The following BTRC variants were observed in gnomAD, a reference collection of about 807,000 sequenced individuals.
BTRC encodes beta-transducin repeat containing E3 ubiquitin protein ligase.
In BTRC, 42 loss-of-function variants were observed where a neutral mutation model predicts 85.5. The ratio of observed to expected loss-of-function variants is 0.49; its 90% CI spans 0.38 to 0.64. The LOEUF (loss-of-function observed/expected upper bound fraction) is 0.64, where lower values mean the gene tolerates loss of function less well. Among genes scored for constraint, BTRC ranks in the 30% least tolerant of loss-of-function variants. The probability of loss-of-function intolerance (pLI) is 0.00; values close to 1 mark genes in which losing one functional copy is unlikely to be tolerated. For missense variants in BTRC, 594 were observed against 743.5 expected (o/e 0.80, Z 2.34); for synonymous variants, 255 against 263.3 (o/e 0.97, Z 0.30).
In BTRC at chr10:101,521,823, C is replaced by T. The variant is rs1294863613; in HGVS notation, c.509C>T (p.Ser170Leu). The T allele has an allele frequency of 1.2e-5, 20 of 1,613,806 alleles. No individual in the cohort carries two copies. Among genetic ancestry groups the T allele is most frequent in the Admixed American group, 1.7e-5 (1 of 59,982 alleles). Residue 170 changes from serine to leucine, a missense_variant, in exon 5 of 15, where the codon TCG becomes TTG. Physicochemically the swap from Ser to Leu is moderately radical, Grantham distance 145. Coordinates refer to ENST00000370187, the MANE Select transcript of BTRC (RefSeq NM_033637.4). The part of the protein sequence containing the change: ...MCHYQHGHIN[S>L]YLKPMLQRDF... ...CATTACCAACATGGGCACATAAACT[C>T]GTATCTTAAACCTATGTTGCAGAGA...
intron 1 of BTRC, 134 bp from the exon 2 acceptor site, chr10:101,430,211 G>A (rs1944366533): frequency 1.9e-6 from 1 of 532,554 alleles, no homozygotes; most frequent in Admixed American, 3.8e-5. Flanking sequence ...TAAGTAGTGT[G>A]TTTCTTAAAG....
intron 1 of BTRC, among the ~76,000 whole-genome samples, chr10:101,428,720 G>T (rs956677292): frequency 6.6e-6 from 1 of 152,128 alleles, no homozygotes; most frequent in Admixed American, 6.5e-5. Flanking sequence ...TATAAAATGA[G>T]GATAATGTAT....
chr10:101,539,984 G>A (rs1285838418), intron 13 of BTRC, among the ~76,000 whole-genome samples: 1 of 152,140 alleles, frequency 6.6e-6, no homozygotes, highest in Non-Finnish European at 1.5e-5. Flanking sequence ...TAATTGAGTG[G>A]TTATTGAGTT....
chr10:101,491,998 T>C (rs969705904), intron 4 of BTRC, among the ~76,000 whole-genome samples: 1 of 152,072 alleles, frequency 6.6e-6, no homozygotes, highest in Non-Finnish European at 1.5e-5. Context: ...GGATATTCTC[T>C]AATGGAAAGG....
chr10:101,424,565 G>A (rs1944198427), intron 1 of BTRC, among the ~76,000 whole-genome samples: 1 of 152,130 alleles, frequency 6.6e-6, no homozygotes, highest in South Asian at 2.1e-4. Flanking sequence ...TGACCAACAG[G>A]GACCTTAATT....
intron 1 of BTRC, among the ~76,000 whole-genome samples, chr10:101,406,741 C>T (rs1943636404): frequency 6.7e-6 from 1 of 149,806 alleles, no homozygotes; most frequent in Non-Finnish European, 1.5e-5. Flanking sequence ...GCCATGTTGG[C>T]CAGGCTGGTC....
At chr10:101,547,012 A>G (rs1380538018) in intron 13 of BTRC, among the ~76,000 whole-genome samples, 2 of 152,226 alleles carry the variant, frequency 1.3e-5, no homozygotes, top group South Asian at 2.1e-4. Flanking sequence ...TAACTCATCT[A>G]TGAAGCATTA....
At chr10:101,475,212 A>G (rs774540273) in intron 3 of BTRC, among the ~76,000 whole-genome samples, 2 of 152,338 alleles carry the variant, frequency 1.3e-5, no homozygotes, top group Middle Eastern at 3.4e-3. Flanking sequence ...TAAGAATAAA[A>G]CAAGTTGGTA....
Position 101,461,016 on chromosome 10 carries a change from C to G in BTRC, c.157-965C>G, listed in dbSNP as rs570263598. The stretch of plus-strand genomic sequence containing the variant: ...CTCCTGGGTTCAGGCGATTCTCCTG[C>G]CTCAGACTCTCGAGTAGCTGGGATT... On this transcript the variant is annotated intron_variant, in intron 2 of 14. Coordinates refer to ENST00000370187, the MANE Select transcript of BTRC (RefSeq NM_033637.4). Among the ~76,000 whole-genome samples the G allele has an allele frequency of 7.2e-5, 11 of 152,048 alleles. No individual in the cohort carries two copies. In the East Asian group the frequency reaches 2.1e-3, roughly 29 times the overall value.
chr10:101,495,942 C>T (rs1322596217), intron 4 of BTRC, among the ~76,000 whole-genome samples: 2 of 152,006 alleles, frequency 1.3e-5, no homozygotes, highest in Non-Finnish European at 2.9e-5. Context: ...AAACATTATC[C>T]TCACTTCTAA....
At chr10:101,537,449 A>G (rs936946500) in intron 12 of BTRC, among the ~76,000 whole-genome samples, 1 of 152,124 alleles carries the variant, frequency 6.6e-6, no homozygotes, top group African/African-American at 2.4e-5. Context: ...AATTGCTTGA[A>G]CCAGGGAGGC....
intron 3 of BTRC, among the ~76,000 whole-genome samples, chr10:101,474,816 G>T (rs1945633442): frequency 6.6e-6 from 1 of 152,100 alleles, no homozygotes; most frequent in African/African-American, 2.4e-5. Flanking sequence ...TCAAGATCAG[G>T]CCACTCCTTC....
chr10:101,420,824 A>G (rs1458518071), intron 1 of BTRC, among the ~76,000 whole-genome samples: 1 of 152,010 alleles, frequency 6.6e-6, no homozygotes. Flanking sequence ...TCAGGTAGGA[A>G]AGGAGAAGAG....
chr10:101,436,263 A>C (rs1302321772), intron 2 of BTRC, among the ~76,000 whole-genome samples: 1 of 152,348 alleles, frequency 6.6e-6, no homozygotes, highest in Non-Finnish European at 1.5e-5. Context: ...CAATAGAGTT[A>C]AAGTAATTAA....
chr10:101,373,585 A>T (rs1429095159), intron 1 of BTRC, among the ~76,000 whole-genome samples: 2 of 152,118 alleles, frequency 1.3e-5, no homozygotes, highest in African/African-American at 4.8e-5. Context: ...CCCTAACTAT[A>T]ATAAGGAGAC....
intron 1 of BTRC, among the ~76,000 whole-genome samples, chr10:101,366,862 A>ATATATATATG (rs1554862147): frequency 3.5e-5 from 1 of 28,746 alleles, no homozygotes; most frequent in African/African-American, 1.5e-4. Context: ...ATATATATTT[A>ATATATATATG]TATATTAATA....
At chr10:101,493,839 C>CT (rs1564806217) in intron 4 of BTRC, among the ~76,000 whole-genome samples, 1 of 152,176 alleles carries the variant, frequency 6.6e-6, no homozygotes, top group East Asian at 1.9e-4. Flanking sequence ...TCTTTTCAAG[C>CT]TTTGATTGTG....
chr10:101,424,527 T>C lies in BTRC; in HGVS notation c.49-5818T>C, dbSNP rs190682453. ...GTACAGCAATCTTTTTATTGTTGAT[T>C]ATTATAGCTTCTGTTACTCCTAGAA... On this transcript the variant is annotated intron_variant, in intron 1 of 14. Coordinates refer to ENST00000370187, the MANE Select transcript of BTRC (RefSeq NM_033637.4). 1.1e-4 allele frequency among the ~76,000 whole-genome samples: 17 copies of C among 152,350 alleles called. No individual in the cohort carries two copies. In the East Asian group the frequency reaches 2.1e-3, roughly 19 times the overall value.
chr10:101,485,893 G>T (rs1945972064), intron 4 of BTRC, among the ~76,000 whole-genome samples: 1 of 152,204 alleles, frequency 6.6e-6, no homozygotes, highest in Non-Finnish European at 1.5e-5. Context: ...AGAATTGACT[G>T]CAGTATTGCC....
Sources: allele counts gnomAD v4.1 joint callset (sites outside exome capture counted in the v4.1 genomes callset), GRCh38; gene constraint gnomAD v4.1.1; transcripts MANE v1.5; gene names NCBI Gene and HGNC (gene_info 2026-07-23, HGNC 2026-07-21).